RARS2: variants seen among roughly 807,000 people sequenced by gnomAD.
RARS2 encodes the protein arginyl-tRNA synthetase 2, mitochondrial, also known as probable arginine--tRNA ligase, mitochondrial.
In RARS2, 67 loss-of-function variants were observed where a neutral mutation model predicts 88.5. The observed-to-expected ratio is 0.76, with a 90% CI of 0.62 to 0.93. RARS2 has a LOEUF of 0.93. RARS2 is among the 40% of genes least tolerant of loss of function. The pLI, the probability that RARS2 is intolerant of heterozygous loss-of-function variation, is 0.00. For missense variants in RARS2, 664 were observed against 684.2 expected (o/e 0.97, Z 0.33); for synonymous variants, 239 against 230.3 (o/e 1.04, Z -0.34).
chr6:87,575,277 A>ACACACACACACACACC (rs1422126329), intron 1 of RARS2, among the ~76,000 whole-genome samples: 2 of 140,056 alleles, frequency 1.4e-5, no homozygotes, highest in East Asian at 2.1e-4. Context: ...ACACACACAC[A>ACACACACACACACACC]CCTTGGCTTC....
intron 1 of RARS2, among the ~76,000 whole-genome samples, chr6:87,584,994 T>C (rs143381616): frequency 1.3e-3 from 200 of 152,232 alleles, no homozygotes; most frequent in Non-Finnish European, 2.2e-3. Flanking sequence ...GTAAATAAAA[T>C]AGAAATCCTG....
intron 10 of RARS2, among the ~76,000 whole-genome samples, chr6:87,527,810 G>T (rs1776240688): frequency 6.6e-6 from 1 of 151,118 alleles, no homozygotes. Context: ...ACTAATGCAG[G>T]AACAGAAAAC....
At chr6:87,545,721 A>G (rs761459672) in intron 6 of RARS2, 22 bp from the exon 7 acceptor site, 1 of 1,606,904 alleles carries the variant, frequency 6.2e-7, no homozygotes, top group Non-Finnish European at 8.5e-7. Context: ...TAAAGTATAT[A>G]GTTTCTCATT....
intron 7 of RARS2, among the ~76,000 whole-genome samples, chr6:87,543,050 C>G (rs922711319): frequency 6.6e-6 from 1 of 152,214 alleles, no homozygotes; most frequent in African/African-American, 2.4e-5. Flanking sequence ...GCCTGTAATC[C>G]CAGCACATTG....
chr6:87,519,491 G>C, intron 14 of RARS2, 92 bp downstream of exon 14: 1 of 1,386,272 alleles, frequency 7.2e-7, no homozygotes, highest in Admixed American at 1.7e-5. Flanking sequence ...TTCAATGGAG[G>C]GACAGACATA....
At chr6:87,589,431 A>T (rs1335612789) in intron 1 of RARS2, among the ~76,000 whole-genome samples, 1 of 152,224 alleles carries the variant, frequency 6.6e-6, no homozygotes, top group South Asian at 2.1e-4. Context: ...TACGACCCTG[A>T]ACCAAGAAAA....
chr6:87,567,107 C>T (rs1768158748), intron 2 of RARS2, among the ~76,000 whole-genome samples: 1 of 152,158 alleles, frequency 6.6e-6, no homozygotes, highest in South Asian at 2.1e-4. Context: ...CAAAAATTAG[C>T]TGGGCATGGT....
chr6:87,589,892 G>A (rs1776485875), intron 1 of RARS2, 30 bp downstream of exon 1: 2 of 1,614,198 alleles, frequency 1.2e-6, no homozygotes, highest in Non-Finnish European at 1.7e-6. Flanking sequence ...AGCTCCTCAG[G>A]GACTCCTCTG....
chr6:87,533,031 C>G (rs920475231), intron 8 of RARS2, among the ~76,000 whole-genome samples: 5 of 152,252 alleles, frequency 3.3e-5, no homozygotes, highest in Admixed American at 2.6e-4. Flanking sequence ...CACACACATA[C>G]ATACATGTGC....
In RARS2 at chr6:87,536,371, T is replaced by C. The variant is rs2128088814; in HGVS notation, c.613-5429A>G. Among the ~76,000 whole-genome samples, 3 of 152,190 alleles carry C rather than the reference T, an allele frequency of 2.0e-5. No homozygotes were observed. The South Asian group carries it at 6.2e-4, about 32-fold the overall frequency. On this transcript the variant is annotated intron_variant, in intron 8 of 19. Coordinates refer to ENST00000369536, the MANE Select transcript of RARS2 (RefSeq NM_020320.5). ...TTACTTTTTGCCTGGGCGTGGTGGC[T>C]CACACCTGTAATCCCAGCATTTTGT...
At chr6:87,529,042 A>G (rs1776624122) in intron 10 of RARS2, among the ~76,000 whole-genome samples, 2 of 152,176 alleles carry the variant, frequency 1.3e-5, no homozygotes, top group Admixed American at 1.3e-4. Context: ...CATAAGCAAG[A>G]AAACAGAATT....
At chr6:87,537,558 A>C (rs552535650) in intron 8 of RARS2, among the ~76,000 whole-genome samples, 216 of 152,346 alleles carry the variant, frequency 1.4e-3, no homozygotes, top group South Asian at 6.0e-3. Context: ...AAAAGGGGGC[A>C]AAAGAGAACT....
At chr6:87,556,499 T>G (rs555203501) in intron 4 of RARS2, among the ~76,000 whole-genome samples, 1 of 152,024 alleles carries the variant, frequency 6.6e-6, no homozygotes, top group East Asian at 1.9e-4. Context: ...AAACAAAATT[T>G]TTTTTGGAAG....
At chr6:87,550,068 G>T (rs1783864453) in intron 5 of RARS2, among the ~76,000 whole-genome samples, 1 of 152,140 alleles carries the variant, frequency 6.6e-6, no homozygotes, top group Non-Finnish European at 1.5e-5. Flanking sequence ...TTAAAAACTT[G>T]ATCCTATGGA....
intron 2 of RARS2, among the ~76,000 whole-genome samples, chr6:87,565,514 T>G (rs1185284156): frequency 6.6e-6 from 1 of 152,228 alleles, no homozygotes; most frequent in Non-Finnish European, 1.5e-5. Flanking sequence ...TATATATCAG[T>G]GACTTCAACA....
At chr6:87,570,349 T>C (rs1283597098) in intron 1 of RARS2, among the ~76,000 whole-genome samples, 1 of 152,198 alleles carries the variant, frequency 6.6e-6, no homozygotes, top group Non-Finnish European at 1.5e-5. Flanking sequence ...TGTTAATACA[T>C]AGCCAAAGTT....
chr6:87,581,947 G>T (rs1310289099), intron 1 of RARS2, among the ~76,000 whole-genome samples: 2 of 152,078 alleles, frequency 1.3e-5, no homozygotes, highest in African/African-American at 4.8e-5. Context: ...CCTTTTTACG[G>T]TTGCACAGTA....
intron 1 of RARS2, among the ~76,000 whole-genome samples, chr6:87,576,785 G>A (rs1771720904): frequency 6.6e-6 from 1 of 152,052 alleles, no homozygotes; most frequent in Non-Finnish European, 1.5e-5. Context: ...ATTATATCAA[G>A]AAAATATACA....
At chr6:87,548,450 C>T in intron 6 of RARS2, 141 bp downstream of exon 6, 1 of 765,428 alleles carries the variant, frequency 1.3e-6, no homozygotes, top group Non-Finnish European at 2.1e-6. Context: ...TCATCCATTT[C>T]CTGAATTGGC....
Sources: allele counts gnomAD v4.1 joint callset (sites outside exome capture counted in the v4.1 genomes callset), GRCh38; gene constraint gnomAD v4.1.1; transcripts MANE v1.5; gene names NCBI Gene and HGNC (gene_info 2026-07-23, HGNC 2026-07-21).